OTOGL: variants seen among roughly 807,000 people sequenced by gnomAD.
The protein encoded by OTOGL is otogelin-like protein.
In OTOGL, 285 loss-of-function variants were observed where a neutral mutation model predicts 318.5. That is an observed-to-expected ratio of 0.89 (90% CI 0.81 to 0.99). OTOGL has a LOEUF of 0.99. Ranked by LOEUF, OTOGL falls within the 50% of genes least tolerant of loss-of-function variation. The probability of loss-of-function intolerance (pLI) is 0.00; values close to 1 mark genes in which losing one functional copy is unlikely to be tolerated. For synonymous variants in OTOGL, 987 were observed against 936.5 expected, an observed-to-expected ratio of 1.05 and a Z score of -0.99; for missense variants, 2,899 against 2,845.6, an observed-to-expected ratio of 1.02 and a Z score of -0.43.
intron 47 of OTOGL, 34 bp downstream of exon 47, chr12:80,355,982 C>A: frequency 6.3e-7 from 1 of 1,578,378 alleles, no homozygotes; most frequent in South Asian, 1.1e-5. Context: ...TCAATTGATT[C>A]CACAAAATAT....
At position 80,378,166 on chromosome 12, in the gene OTOGL, C is replaced by G. The variant is rs1345190584; in HGVS notation, c.*118C>G. ...GTTTAACAATACTGTATTTTTCAGA[C>G]TTGGAATGTGGAAATTTAGCAATTT... On this transcript the variant is annotated 3_prime_UTR_variant, in exon 59 of 59. Coordinates refer to ENST00000547103, the MANE Select transcript of OTOGL (RefSeq NM_001378609.3). 5 of 760,126 alleles carry G rather than the reference C, an allele frequency of 6.6e-6. No homozygotes were observed. In the African/African-American group the frequency reaches 7.0e-5, roughly 11 times the overall value. 47.1% of individuals were successfully genotyped at this position (760,126 alleles called of 1,614,324 possible).
At chr12:80,285,829 T>C (rs539802932) in intron 26 of OTOGL, among the ~76,000 whole-genome samples, 8 of 152,290 alleles carry the variant, frequency 5.3e-5, no homozygotes, top group African/African-American at 1.9e-4. Context: ...CCGAGACAAT[T>C]TGATGTTCTC....
chr12:80,157,462 C>T (rs541474796), intron 1 of OTOGL, among the ~76,000 whole-genome samples: 2 of 152,020 alleles, frequency 1.3e-5, no homozygotes, highest in African/African-American at 2.4e-5. Flanking sequence ...TTGCTTTGGT[C>T]GCCTGTACTT....
chr12:80,297,635 G>A (rs954707072), intron 27 of OTOGL, among the ~76,000 whole-genome samples: 1 of 152,154 alleles, frequency 6.6e-6, no homozygotes, highest in African/African-American at 2.4e-5. Context: ...GTCCAGCCTT[G>A]TATATGTACA....
At position 80,278,162 on chromosome 12, in the gene OTOGL, T is replaced by G. The variant is rs1359899374; in HGVS notation, c.2682-6T>G. Reference sequence around the variant, plus strand: ...ACTAAATAGCATTTTATTCTTCATTTGGAAGAATGGCAGAGCACAGAGGAA... The same window carrying G: ...ACTAAATAGCATTTTATTCTTCATTGGGAAGAATGGCAGAGCACAGAGGAA... On this transcript the variant is annotated splice_region_variant and splice_polypyrimidine_tract_variant and intron_variant, in intron 24 of 58. Coordinates refer to ENST00000547103, the MANE Select transcript of OTOGL (RefSeq NM_001378609.3). 1 of 1,535,328 alleles carries G rather than the reference T, an allele frequency of 6.5e-7. No homozygotes were observed. Among genetic ancestry groups the G allele is most frequent in the Non-Finnish European group, 8.8e-7 (1 of 1,134,276 alleles).
chr12:80,296,170 C>T (rs1565962307), intron 26 of OTOGL, among the ~76,000 whole-genome samples: 1 of 152,190 alleles, frequency 6.6e-6, no homozygotes, highest in Non-Finnish European at 1.5e-5. Context: ...GGCATCAAGA[C>T]AAACAAAACA....
intron 1 of OTOGL, among the ~76,000 whole-genome samples, chr12:80,139,762 A>G (rs1309278794): frequency 6.6e-6 from 1 of 152,188 alleles, no homozygotes; most frequent in African/African-American, 2.4e-5. Context: ...GAATACAACA[A>G]AATCACTTTA....
At chr12:80,279,624 T>C (rs1020689583) in intron 26 of OTOGL, among the ~76,000 whole-genome samples, 2 of 151,230 alleles carry the variant, frequency 1.3e-5, no homozygotes, top group African/African-American at 2.4e-5. Context: ...AAAAGACATT[T>C]CTTTCTTATG....
chr12:80,110,755 T>C (rs1869788005), intron 1 of OTOGL, among the ~76,000 whole-genome samples: 1 of 152,198 alleles, frequency 6.6e-6, no homozygotes. Context: ...TATAATCCTT[T>C]GGGTATATCC....
At chr12:80,157,551 T>C (rs1320204934) in intron 1 of OTOGL, among the ~76,000 whole-genome samples, 2 of 152,204 alleles carry the variant, frequency 1.3e-5, no homozygotes, top group Non-Finnish European at 2.9e-5. Context: ...AGTAGTTTCA[T>C]AGTTTGAGGT....
At position 80,305,562 on chromosome 12, in the gene OTOGL, TTC is replaced by T. The variant is rs2137751866; in HGVS notation, c.3214-10_3214-9del. The T allele has an allele frequency of 1.3e-6, 2 of 1,512,770 alleles. No homozygotes were observed. Among genetic ancestry groups the T allele is most frequent in the Non-Finnish European group, 1.8e-6 (2 of 1,140,878 alleles). 93.7% of individuals were successfully genotyped at this position (1,512,770 alleles called of 1,614,324 possible). On this transcript the variant is annotated splice_polypyrimidine_tract_variant and intron_variant, in intron 28 of 58. Coordinates refer to ENST00000547103, the MANE Select transcript of OTOGL (RefSeq NM_001378609.3). The stretch of plus-strand genomic sequence containing the variant: ...GAAAACAGAATATTTCCTGGTGATT[TTC>T]TCTTACTTTAGAACAAGCTATCAGG...
intron 1 of OTOGL, among the ~76,000 whole-genome samples, chr12:80,178,965 T>C (rs1874727029): frequency 6.6e-6 from 1 of 151,954 alleles, no homozygotes; most frequent in Non-Finnish European, 1.5e-5. Flanking sequence ...AATCGGAATA[T>C]AATATTGAAA....
chr12:80,351,298 T>G lies in OTOGL; in HGVS notation c.5266-997T>G, dbSNP rs562717675. On this transcript the variant is annotated intron_variant, in intron 44 of 58. Coordinates refer to ENST00000547103, the MANE Select transcript of OTOGL (RefSeq NM_001378609.3). The stretch of plus-strand genomic sequence containing the variant: ...TGTTTTCTTGCCATTGTGTTTTTTT[T>G]TTTTTTTTGTTGTTGTTGTTTTGTT... Among the ~76,000 whole-genome samples, 1,004 of 151,910 alleles carry G rather than the reference T, an allele frequency of 6.6e-3. 10 individuals carry two copies. Among genetic ancestry groups the G allele is most frequent in the African/African-American group, 0.021 (881 of 41,426 alleles).
intron 11 of OTOGL, among the ~76,000 whole-genome samples, chr12:80,241,034 A>C (rs1017640909): frequency 6.6e-6 from 1 of 152,102 alleles, no homozygotes; most frequent in African/African-American, 2.4e-5. Context: ...AAACTTTTAA[A>C]ATAAAAAACC....
rs12298738 is a variant in OTOGL, at chr12:80,239,749, A to G, written c.1052+310A>G. Among the ~76,000 whole-genome samples, 7,051 of 152,174 alleles carry G rather than the reference A, an allele frequency of 0.046. 554 individuals carry two copies. The highest frequency in any genetic ancestry group is 0.16 in the African/African-American group (6,713 of 41,494). ...TTATGCTAGGAACATTCAAATTATT[A>G]TCTTCTTGCTATTCTGAAATATACA... On this transcript the variant is annotated intron_variant, in intron 11 of 58. Transcript: ENST00000547103.
intron 44 of OTOGL, among the ~76,000 whole-genome samples, chr12:80,351,852 G>T (rs1328327498): frequency 6.6e-6 from 1 of 152,150 alleles, no homozygotes; most frequent in South Asian, 2.1e-4. Context: ...TATAAATTAT[G>T]TAACTAATAT....
chr12:80,117,165 G>A (rs1383392309), intron 1 of OTOGL, among the ~76,000 whole-genome samples: 1 of 152,064 alleles, frequency 6.6e-6, no homozygotes, highest in African/African-American at 2.4e-5. Flanking sequence ...TGTCATGTAA[G>A]TTATATCTGA....
intron 1 of OTOGL, among the ~76,000 whole-genome samples, chr12:80,145,098 T>C (rs1325758403): frequency 1.3e-5 from 2 of 151,600 alleles, no homozygotes; most frequent in Non-Finnish European, 2.9e-5. Flanking sequence ...TTGTTGCCAT[T>C]GCTTTTGGTG....
Position 80,377,862 on chromosome 12 carries a change from T to C in OTOGL, c.6876T>C (p.Ser2292=). ...ACTTCTTACAGATAAATGTTGCATC[T>C]TGTGACGGCAAATGCCCATCAGCTA... ...CMSQSPINVA[S]CDGKCPSATI... is the part of the protein sequence containing the mutation. The change falls in exon 59 of 59, where the codon TCT becomes TCC. Residue 2292 remains serine (S), a synonymous_variant. Transcript: ENST00000547103. 1 of 1,608,934 alleles carries C rather than the reference T, an allele frequency of 6.2e-7. No individual in the cohort carries two copies. The highest frequency in any genetic ancestry group is 1.1e-5 in the South Asian group (1 of 90,620).
Sources: allele counts gnomAD v4.1 joint callset (sites outside exome capture counted in the v4.1 genomes callset), GRCh38; gene constraint gnomAD v4.1.1; transcripts MANE v1.5; gene names NCBI Gene and HGNC (gene_info 2026-07-23, HGNC 2026-07-21).